Variants in SPINK2 observed in about 807,000 individuals in gnomAD.
SPINK2 encodes the protein serine protease inhibitor Kazal-type 2.
SPINK2 carries 8 observed loss-of-function variants against 13.5 expected under a neutral mutation model. The observed-to-expected ratio is 0.59, with a 90% CI of 0.35 to 1.07. SPINK2 has a LOEUF of 1.07. Ranked by LOEUF, SPINK2 falls within the 50% of genes least tolerant of loss-of-function variation. The pLI is 0.02. For synonymous variants in SPINK2, 76 were observed against 74.7 expected (o/e 1.02, Z -0.09); for missense variants, 148 against 180.3 (o/e 0.82, Z 1.03).
At chr4:56,811,860 GAGAAA>G in intron 2 of SPINK2, 66 bp from the exon 3 acceptor site, 1 of 773,490 alleles carries the variant, frequency 1.3e-6, no homozygotes. Context: ...TAGTTCAGAG[GAGAAA>G]ATGTCCCAGA....
upstream of SPINK2, chr4:56,821,726 T>A: frequency 7.4e-7 from 1 of 1,351,410 alleles, no homozygotes; most frequent in East Asian, 3.1e-5. Context: ...CAGGGAGCGC[T>A]CGTGCGACGG....
intron 1 of SPINK2, among the ~76,000 whole-genome samples, chr4:56,821,019 C>T (rs1717893086): frequency 4.6e-5 from 7 of 152,210 alleles, no homozygotes; most frequent in Admixed American, 3.9e-4. Flanking sequence ...GCTTCAATTC[C>T]TGGTCTCAAG....
chr4:56,820,509 A>G, intron 2 of SPINK2, 27 bp downstream of exon 2: 4 of 1,592,134 alleles, frequency 2.5e-6, no homozygotes, highest in Non-Finnish European at 3.4e-6. Flanking sequence ...GTATTAGTAG[A>G]AACAGTAGAA....
Position 56,821,681 on chromosome 4 carries a change from G to T in SPINK2, c.-19C>A. The T allele has an allele frequency of 6.6e-7, 1 of 1,510,024 alleles. No homozygotes were observed. The allele number at this position is 1,510,024 out of a possible 1,614,324, so 93.5% of individuals were successfully genotyped here. Reference sequence around the variant, plus strand: ...GCGCCATCCTCCTCCCGCGCCGGCTGTCTTGCCCCTGCGGTCTGTTACCTG... The same window carrying T: ...GCGCCATCCTCCTCCCGCGCCGGCTTTCTTGCCCCTGCGGTCTGTTACCTG... On this transcript the variant is annotated 5_prime_UTR_variant, in exon 1 of 4. Transcript: ENST00000506738.
intron 2 of SPINK2, chr4:56,818,152 AGCAGTG>A (rs1717613794): frequency 1.3e-5 from 2 of 152,332 alleles, no homozygotes; most frequent in East Asian, 3.9e-4. Flanking sequence ...CCTAAATTAG[AGCAGTG>A]GCAATGGAAA....
rs1201118439 is a variant in SPINK2 at position 56,809,990 on chromosome 4, C to T, written c.*149G>A. The T allele has an allele frequency of 6.6e-7, 1 of 1,508,126 alleles. No homozygotes were observed. The highest frequency in any genetic ancestry group is 8.8e-7 in the Non-Finnish European group (1 of 1,135,236). 93.4% of individuals were successfully genotyped at this position (1,508,126 alleles called of 1,614,324 possible). A position where few individuals can be genotyped will look rare whatever the true frequency, so the allele number is the denominator to read the frequency against. ...TTTCTTTAAATTATCCATCACTACA[C>T]ATGGCTGTCTTCCATACCTGCTCTC... On this transcript the variant is annotated 3_prime_UTR_variant, in exon 4 of 4. Coordinates refer to ENST00000506738, the MANE Select transcript of SPINK2 (RefSeq NM_001271718.2).
chr4:56,820,513 A>G, intron 2 of SPINK2, 23 bp downstream of exon 2: 2 of 1,595,664 alleles, frequency 1.3e-6, no homozygotes, highest in Non-Finnish European at 1.7e-6. Context: ...TAGTAGAAAC[A>G]GTAGAAGTGG....
chr4:56,818,058 G>T (rs1210650411), intron 2 of SPINK2, among the ~76,000 whole-genome samples: 1 of 152,182 alleles, frequency 6.6e-6, no homozygotes, highest in East Asian at 1.9e-4. Context: ...TGTGTAGCAG[G>T]AAGTGGAAAG....
chr4:56,812,258 T>TA (rs1322095338), intron 2 of SPINK2, among the ~76,000 whole-genome samples: 1 of 150,568 alleles, frequency 6.6e-6, no homozygotes, highest in Non-Finnish European at 1.5e-5. Context: ...ACATATTATG[T>TA]AAAAAAAGGA....
chr4:56,813,482 G>GA (rs764788230), intron 2 of SPINK2, among the ~76,000 whole-genome samples: 1 of 152,106 alleles, frequency 6.6e-6, no homozygotes, highest in Non-Finnish European at 1.5e-5. Flanking sequence ...TAGGAGGAGG[G>GA]AAGTGGCTGG....
chr4:56,817,191 G>T (rs1717526682), intron 2 of SPINK2, among the ~76,000 whole-genome samples: 1 of 152,192 alleles, frequency 6.6e-6, no homozygotes, highest in East Asian at 1.9e-4. Flanking sequence ...GATAGAGCGA[G>T]ACTCCATCTC....
Position 56,821,542 on chromosome 4 carries a change from C to G in SPINK2, c.121G>C (p.Gly41Arg). 6.5e-7 allele frequency: 1 copy of G among 1,546,478 alleles called. No individual in the cohort carries two copies. Among genetic ancestry groups the G allele is most frequent in the Non-Finnish European group, 8.7e-7 (1 of 1,146,608 alleles). Residue 41 changes from glycine (G) to arginine (R), a missense_variant, in exon 1 of 4, where the codon GGC (glycine) becomes CGC (arginine). Gly to Arg is a moderately radical substitution (Grantham distance 125). Coordinates refer to ENST00000506738, the MANE Select transcript of SPINK2 (RefSeq NM_001271718.2). ...PEKSGFGSQTGGGPCPAPGGL... is the reference protein window; with the variant it reads ...PEKSGFGSQTRGGPCPAPGGL... ...CCCGGAGCAGGGCAGGGTCCGCCGC[C>G]GGTCTGACTCCCAAACCCGCTTTTC...
chr4:56,812,458 G>A (rs1424934449), intron 2 of SPINK2, among the ~76,000 whole-genome samples: 1 of 150,304 alleles, frequency 6.7e-6, no homozygotes, highest in African/African-American at 2.4e-5. Flanking sequence ...GGGAGACTGA[G>A]GCAGGAGAAT....
intron 2 of SPINK2, among the ~76,000 whole-genome samples, chr4:56,817,406 T>C (rs1717546848): frequency 6.6e-6 from 1 of 152,202 alleles, no homozygotes; most frequent in African/African-American, 2.4e-5. Flanking sequence ...CCCAACAAAA[T>C]CTTAGCTATC....
In SPINK2 at chr4:56,810,115, T is replaced by C; in HGVS notation, c.*24A>G. The C allele has an allele frequency of 6.3e-7, 1 of 1,599,428 alleles. No homozygotes were observed. The highest frequency in any genetic ancestry group is 1.7e-4 in the Middle Eastern group (1 of 6,048). On this transcript the variant is annotated 3_prime_UTR_variant, in exon 4 of 4. Coordinates refer to ENST00000506738, the MANE Select transcript of SPINK2 (RefSeq NM_001271718.2). Reference sequence around the variant, plus strand: ...TCTGCCAGTGAAGGTGGTCTCTCCATCTTCTTTTCTGTAAACTGCTCCATC... The same window carrying C: ...TCTGCCAGTGAAGGTGGTCTCTCCACCTTCTTTTCTGTAAACTGCTCCATC...
chr4:56,811,747 G>A lies in SPINK2; in HGVS notation c.297C>T (p.Asn99=), dbSNP rs765638584. The A allele has an allele frequency of 7.4e-6, 12 of 1,611,476 alleles. No homozygotes were observed. Among genetic ancestry groups the A allele is most frequent in the Non-Finnish European group, 1.0e-5 (12 of 1,178,434 alleles). ...TGGACATGTCACTGCCACACACAGG[G>A]TTAAAGTGTCTGGGACATCCTGGTA... ...YRLPGCPRHF[N]PVCGSDMSTY... Residue 99 remains asparagine (N), a synonymous_variant, in exon 3 of 4, where the codon AAC becomes AAT. Transcript: ENST00000506738.
chr4:56,821,500 T>C lies in SPINK2; in HGVS notation c.163A>G (p.Thr55Ala), dbSNP rs1360185169. The change falls in exon 1 of 4, where the codon ACC becomes GCC. Residue 55 changes from threonine to alanine, a missense_variant. Thr to Ala is a moderately conservative substitution (Grantham distance 58). Transcript: ENST00000506738. The stretch of plus-strand genomic sequence containing the variant: ...GAACCGCCAGTAACGGGCGCGCGGG[T>C]ACCGTCGCCGAGGCCGCCCGGAGCA... ...CPAPGGLGDG[T>A]RAPVTGGSPE... 1 of 1,538,748 alleles carries C rather than the reference T, an allele frequency of 6.5e-7. No homozygotes were observed. The highest frequency in any genetic ancestry group is 8.7e-7 in the Non-Finnish European group (1 of 1,145,546).
chr4:56,813,318 T>A (rs954398224), intron 2 of SPINK2, among the ~76,000 whole-genome samples: 2 of 152,022 alleles, frequency 1.3e-5, no homozygotes, highest in Non-Finnish European at 2.9e-5. Flanking sequence ...AGCGAAACTG[T>A]CTCAAAAAAA....
chr4:56,821,326 A>G, intron 1 of SPINK2, 132 bp downstream of exon 1: 1 of 1,393,348 alleles, frequency 7.2e-7, no homozygotes, highest in South Asian at 1.6e-5. Flanking sequence ...GCACCTGAAA[A>G]TCTACTTTAA....
Sources: allele counts gnomAD v4.1 joint callset (sites outside exome capture counted in the v4.1 genomes callset), GRCh38; gene constraint gnomAD v4.1.1; transcripts MANE v1.5; gene names NCBI Gene and HGNC (gene_info 2026-07-23, HGNC 2026-07-21).